The following DLGAP5 variants were observed in gnomAD, a reference collection of about 807,000 sequenced individuals.
The protein encoded by DLGAP5 is DLG associated protein 5.
Under a neutral mutation model 99.6 loss-of-function variants are expected in DLGAP5, and 90 were observed. The ratio of observed to expected loss-of-function variants is 0.90; its 90% confidence interval spans 0.76 to 1.08. The LOEUF (loss-of-function observed/expected upper bound fraction) is 1.08, where lower values mean the gene tolerates loss of function less well. Ranked by LOEUF, DLGAP5 falls within the 50% of genes least tolerant of loss-of-function variation. DLGAP5 has a pLI of 0.00. For missense variants in DLGAP5, 1,036 were observed against 983.5 expected, an observed-to-expected ratio of 1.05 and a Z score of -0.71; for synonymous variants, 311 against 321.3, an observed-to-expected ratio of 0.97 and a Z score of 0.34.
chr14:55,184,106 T>C (rs569812455), intron 2 of DLGAP5, among the ~76,000 whole-genome samples: 1 of 151,770 alleles, frequency 6.6e-6, no homozygotes, highest in Non-Finnish European at 1.5e-5. Context: ...TGAGCCAAGA[T>C]TGCGCCCCTG....
intron 10 of DLGAP5, among the ~76,000 whole-genome samples, chr14:55,172,460 AT>A (rs1156769005): frequency 3.3e-5 from 5 of 151,752 alleles, no homozygotes; most frequent in African/African-American, 9.7e-5. Flanking sequence ...TTAGTACAAA[AT>A]TCTTTATTTT....
chr14:55,168,383 G>A (rs921312518), intron 12 of DLGAP5, among the ~76,000 whole-genome samples: 2 of 152,142 alleles, frequency 1.3e-5, no homozygotes, highest in African/African-American at 2.4e-5. Flanking sequence ...CAGATGAAAC[G>A]TCTGGTCTCT....
chr14:55,180,526 T>A, intron 6 of DLGAP5, 130 bp downstream of exon 6: 1 of 1,292,026 alleles, frequency 7.7e-7, no homozygotes, highest in Non-Finnish European at 1.1e-6. Flanking sequence ...AGAATCTATT[T>A]TCAGGTATTA....
intron 10 of DLGAP5, among the ~76,000 whole-genome samples, chr14:55,173,978 A>C (rs1219068784): frequency 6.6e-6 from 1 of 152,220 alleles, no homozygotes; most frequent in African/African-American, 2.4e-5. Context: ...CCTTGAAAAA[A>C]CAGGATAACA....
rs1242848817 is a variant in DLGAP5, at chr14:55,183,682, G to C, written c.310C>G (p.Gln104Glu). The C allele has an allele frequency of 2.5e-6, 4 of 1,611,718 alleles. No individual in the cohort carries two copies. The highest frequency in any genetic ancestry group is 3.4e-6 in the Non-Finnish European group (4 of 1,179,234). The stretch of plus-strand genomic sequence containing the variant: ...TTCTCTCTCTGCTCTTTCAATTTTT[G>C]AAGTTGCTTTTCTTCTTTGTATTTT... ...LQKYKEEKQL[Q>E]KLKEQREKAK... Residue 104 changes from glutamine (Q) to glutamate (E), a missense_variant, in exon 3 of 19, where the codon CAA becomes GAA. Physicochemically the swap from Gln to Glu is conservative, Grantham distance 29 (BLOSUM62 2). Transcript: ENST00000247191.
chr14:55,158,887 G>A lies in DLGAP5; in HGVS notation c.1654-146C>T. ...TTCACATTCATCATATATTTATCAA[G>A]TTCCTAGTATGTGCTAAAAGGTAAA... On this transcript the variant is annotated intron_variant, in intron 13 of 18. Transcript: ENST00000247191. The A allele has an allele frequency of 4.7e-6, 3 of 643,488 alleles. No homozygotes were observed. In the East Asian group the frequency reaches 8.4e-5, roughly 18 times the overall value. The allele number at this position is 643,488 out of a possible 1,614,324, so 39.9% of individuals were successfully genotyped here.
At chr14:55,189,204 C>A (rs1354369047) in intron 1 of DLGAP5, 24 bp from the exon 2 acceptor site, 24 of 1,562,812 alleles carry the variant, frequency 1.5e-5, no homozygotes, top group Non-Finnish European at 2.0e-5. Context: ...GGACAAAACC[C>A]AACTTACATG....
intron 12 of DLGAP5, among the ~76,000 whole-genome samples, chr14:55,167,042 G>A (rs577837439): frequency 2.0e-5 from 3 of 152,002 alleles, no homozygotes; most frequent in Admixed American, 2.0e-4. Context: ...GTCACTTGAG[G>A]TCAGGAGTTT....
At chr14:55,173,131 C>G (rs566752124) in intron 10 of DLGAP5, among the ~76,000 whole-genome samples, 1 of 151,510 alleles carries the variant, frequency 6.6e-6, no homozygotes, top group South Asian at 2.1e-4. Context: ...TTCTAAAACC[C>G]AGTGCTCTAA....
chr14:55,149,019 A>G (rs1002788009), intron 18 of DLGAP5, among the ~76,000 whole-genome samples: 5 of 152,164 alleles, frequency 3.3e-5, no homozygotes, highest in South Asian at 2.1e-4. Context: ...CCCTGCTTCA[A>G]GTTCAAATTA....
At position 55,151,899 on chromosome 14, in the gene DLGAP5, C is replaced by T; in HGVS notation, c.2164G>A (p.Glu722Lys). 1 of 1,613,938 alleles carries T rather than the reference C, an allele frequency of 6.2e-7. No homozygotes were observed. The highest frequency in any genetic ancestry group is 8.5e-7 in the Non-Finnish European group (1 of 1,179,932). ...TDLKVDCLSSERMSLPLLAGG... is the reference protein window; with the variant it reads ...TDLKVDCLSSKRMSLPLLAGG... ...GCAAGAAGAGGCAAACTCATTCTCT[C>T]ACTGGATAAACAATCCACCTTCAAG... The change falls in exon 17 of 19, where the codon GAG (glutamate) becomes AAG (lysine). Residue 722 changes from glutamate to lysine, a missense_variant. By Grantham distance (56) the Glu-to-Lys change is moderately conservative (BLOSUM62 1). Coordinates refer to ENST00000247191, the MANE Select transcript of DLGAP5 (RefSeq NM_014750.5).
intron 17 of DLGAP5, 54 bp from the exon 18 acceptor site, chr14:55,150,902 G>A: frequency 8.3e-7 from 1 of 1,199,908 alleles, no homozygotes; most frequent in Non-Finnish European, 1.2e-6. Flanking sequence ...TTCGAGGGCT[G>A]TTAGAAATGG....
chr14:55,184,994 T>C (rs1883385516), intron 2 of DLGAP5, among the ~76,000 whole-genome samples: 1 of 152,202 alleles, frequency 6.6e-6, no homozygotes, highest in Non-Finnish European at 1.5e-5. Context: ...ATGTACTCTA[T>C]TTCTTCTCAC....
chr14:55,163,935 C>T (rs1264628972), intron 12 of DLGAP5, among the ~76,000 whole-genome samples: 1 of 152,140 alleles, frequency 6.6e-6, no homozygotes, highest in Non-Finnish European at 1.5e-5. Flanking sequence ...AGTCTTTTAT[C>T]AGATACATCT....
intron 5 of DLGAP5, 67 bp from the exon 6 acceptor site, chr14:55,180,845 G>A: frequency 1.9e-6 from 3 of 1,545,810 alleles, no homozygotes; most frequent in Non-Finnish European, 2.6e-6. Flanking sequence ...TGTGAAGCCA[G>A]GCATGGTAGT....
chr14:55,164,501 A>G (rs1882564649), intron 12 of DLGAP5, among the ~76,000 whole-genome samples: 1 of 152,172 alleles, frequency 6.6e-6, no homozygotes, highest in African/African-American at 2.4e-5. Flanking sequence ...AACTAACCAA[A>G]TGGATCATAG....
At chr14:55,181,648 C>T (rs998617464) in intron 4 of DLGAP5, among the ~76,000 whole-genome samples, 24 of 152,192 alleles carry the variant, frequency 1.6e-4, no homozygotes, top group African/African-American at 5.5e-4. Context: ...GGATAAAAAG[C>T]GCTTTCCCAT....
At chr14:55,160,106 A>AGG (rs1163580681) in intron 13 of DLGAP5, among the ~76,000 whole-genome samples, 2 of 152,154 alleles carry the variant, frequency 1.3e-5, no homozygotes, top group African/African-American at 4.8e-5. Context: ...CAGGAGGCTG[A>AGG]GGTGGGAGAT....
intron 3 of DLGAP5, among the ~76,000 whole-genome samples, chr14:55,182,643 G>T (rs1010609710): frequency 6.6e-6 from 1 of 152,098 alleles, no homozygotes; most frequent in African/African-American, 2.4e-5. Context: ...CAGTGAGAAA[G>T]AAATTTCAAA....
Sources: allele counts gnomAD v4.1 joint callset (sites outside exome capture counted in the v4.1 genomes callset), GRCh38; gene constraint gnomAD v4.1.1; transcripts MANE v1.5; gene names NCBI Gene and HGNC (gene_info 2026-07-23, HGNC 2026-07-21).